WDR4: variants seen among roughly 807,000 people sequenced by gnomAD.
The protein encoded by WDR4 is WDR4 tRNA N7-guanosine methyltransferase non-catalytic subunit, also known as tRNA (guanine-N(7)-)-methyltransferase non-catalytic subunit WDR4.
A neutral mutation model predicts 48.6 loss-of-function variants in WDR4; 47 were observed. That is an observed-to-expected ratio of 0.97 (90% confidence interval 0.77 to 1.23). The LOEUF (loss-of-function observed/expected upper bound fraction) is 1.23. Among genes scored for constraint, WDR4 ranks in the 50% most tolerant of loss-of-function variants. The pLI is 0.00. For synonymous variants in WDR4, 268 were observed against 230.0 expected (o/e 1.17, Z -1.49); for missense variants, 606 against 551.6 (o/e 1.10, Z -0.99).
Position 42,855,672 on chromosome 21 carries a change from A to G in WDR4, c.726+10T>C, listed in dbSNP as rs1483950051. On this transcript the variant is annotated intron_variant, in intron 7 of 10. Transcript: ENST00000398208. ...CACTCAGTCGCCCAGGAGTGAACAG[A>G]AGCAGCTACCTGGGGGGCCTGGGGG... The G allele has an allele frequency of 4.5e-6, 7 of 1,544,726 alleles. No homozygotes were observed. In the East Asian group the frequency reaches 1.7e-4, roughly 38 times the overall value.
chr21:42,883,502 T>C (rs1194637406), upstream of WDR4: 1 of 153,646 alleles, frequency 6.5e-6, no homozygotes, highest in Non-Finnish European at 1.5e-5. Flanking sequence ...TGTGACCTTT[T>C]TTGGGGAAAG....
chr21:42,892,911 G>C, the WDR4 span, among the ~76,000 whole-genome samples: 1 of 152,238 alleles, frequency 6.6e-6, no homozygotes, highest in Non-Finnish European at 1.5e-5. Flanking sequence ...AATCAAGTAG[G>C]ACCAGACTGT....
chr21:42,851,436 C>G (rs1158997116), intron 10 of WDR4, among the ~76,000 whole-genome samples: 1 of 152,252 alleles, frequency 6.6e-6, no homozygotes, highest in Admixed American at 6.5e-5. Flanking sequence ...TCAGCGGAAA[C>G]TCCTCCGACC....
the WDR4 span, among the ~76,000 whole-genome samples, chr21:42,891,067 A>G: frequency 1.3e-5 from 2 of 152,204 alleles, no homozygotes. Flanking sequence ...TCATGGCTGT[A>G]ATCCCAGCAC....
rs375691931 is a variant in WDR4 at position 42,863,975 on chromosome 21, C to T, written c.297-379G>A. Among the ~76,000 whole-genome samples, 5 of 82,008 alleles carry T rather than the reference C, an allele frequency of 6.1e-5. 2 individuals are homozygous for T. The highest frequency in any genetic ancestry group is 1.9e-4 in the African/African-American group (2 of 10,398). The allele number at this position is 82,008 out of a possible 152,430, so 53.8% of individuals were successfully genotyped here. On this transcript the variant is annotated intron_variant, in intron 3 of 10. Coordinates refer to ENST00000398208, the MANE Select transcript of WDR4 (RefSeq NM_018669.6). ...ACAAAAAATTAGCCAGGCGTGGTGG[C>T]GGGCGCCTGTAGTCCCAGCTACTCG...
the WDR4 span, among the ~76,000 whole-genome samples, chr21:42,886,558 T>G: frequency 6.6e-6 from 1 of 152,232 alleles, no homozygotes; most frequent in Non-Finnish European, 1.5e-5. Flanking sequence ...TCCATGGGCT[T>G]TGCTAGCAAA....
the WDR4 span, among the ~76,000 whole-genome samples, chr21:42,892,691 A>G: frequency 6.6e-6 from 1 of 152,236 alleles, no homozygotes; most frequent in South Asian, 2.1e-4. Flanking sequence ...GTTGGGGACG[A>G]ACTCTTTGCT....
At chr21:42,855,441 C>T (rs1391742461) in intron 7 of WDR4, among the ~76,000 whole-genome samples, 4 of 152,230 alleles carry the variant, frequency 2.6e-5, no homozygotes, top group Non-Finnish European at 4.4e-5. Flanking sequence ...CCTTCCACTT[C>T]AGAGCAGGAT....
At chr21:42,854,315 C>T (rs1240817947) in intron 8 of WDR4, among the ~76,000 whole-genome samples, 1 of 152,230 alleles carries the variant, frequency 6.6e-6, no homozygotes, top group African/African-American at 2.4e-5. Context: ...GAAGGCCAGG[C>T]AGAGGCTGCT....
At chr21:42,884,615 C>T in the WDR4 span, among the ~76,000 whole-genome samples, 6,849 of 151,740 alleles carry the variant, frequency 0.045, 222 homozygotes, top group Non-Finnish European at 0.069. Context: ...CCATTGCACT[C>T]CAGCCTGGGC....
intron 9 of WDR4, 73 bp from the exon 10 acceptor site, chr21:42,852,397 T>C: frequency 6.5e-7 from 1 of 1,539,258 alleles, no homozygotes; most frequent in Non-Finnish European, 8.9e-7. Flanking sequence ...ACGCAACACA[T>C]GCTGGCCAGA....
chr21:42,851,127 G>A (rs565982463), intron 10 of WDR4, among the ~76,000 whole-genome samples: 23 of 152,340 alleles, frequency 1.5e-4, no homozygotes, highest in African/African-American at 5.3e-4. Context: ...CCAGGCTTTG[G>A]CCTGAGACTG....
the WDR4 span, among the ~76,000 whole-genome samples, chr21:42,889,486 C>T: frequency 6.6e-6 from 1 of 152,292 alleles, no homozygotes; most frequent in African/African-American, 2.4e-5. Flanking sequence ...TGGCAACTTC[C>T]TCTGGCGATT....
the WDR4 span, among the ~76,000 whole-genome samples, chr21:42,892,035 C>T: frequency 1.5e-3 from 223 of 149,146 alleles, no homozygotes; most frequent in African/African-American, 4.8e-3. Context: ...GGGTGGATCA[C>T]GAGGTCAGGA....
intron 6 of WDR4, among the ~76,000 whole-genome samples, chr21:42,856,804 C>T (rs2058004675): frequency 6.6e-6 from 1 of 152,124 alleles, no homozygotes; most frequent in Non-Finnish European, 1.5e-5. Flanking sequence ...CACACACACA[C>T]ACCTTTCTAC....
At chr21:42,891,406 ACGCCAGAGGAGGTCTTTTCTTTT>A in the WDR4 span, among the ~76,000 whole-genome samples, 1 of 151,450 alleles carries the variant, frequency 6.6e-6, no homozygotes, top group Non-Finnish European at 1.5e-5. Flanking sequence ...GCCGGTGACC[ACGCCAGAGGAGGTCTTTTCTTTT>A]TGTTTCTTCT....
chr21:42,853,708 T>G lies in WDR4; in HGVS notation c.836A>C (p.Gln279Pro). 6.4e-7 allele frequency: 1 copy of G among 1,570,664 alleles called. No homozygotes were observed. The highest frequency in any genetic ancestry group is 8.6e-7 in the Non-Finnish European group (1 of 1,157,802). The change falls in exon 9 of 11, where the codon CAG (glutamine) becomes CCG (proline). Residue 279 changes from glutamine to proline, a missense_variant. By Grantham distance (76) the Gln-to-Pro change is moderately conservative (BLOSUM62 -1). Coordinates refer to ENST00000398208, the MANE Select transcript of WDR4 (RefSeq NM_018669.6). ...YIFQLDARRQ[Q>P]LVYRQQLAFQ... ...CGCCAGCTGCTGCCTGTACACCAAC[T>G]GCTGTCTGCGGGCGTCCAGCTGGAA... is the stretch of plus-strand genomic sequence containing the variant.
chr21:42,857,766 A>T (rs1342250078), intron 6 of WDR4, among the ~76,000 whole-genome samples: 1 of 151,400 alleles, frequency 6.6e-6, no homozygotes, highest in African/African-American at 2.4e-5. Flanking sequence ...CTATTCCTAA[A>T]GGAGTAGAAA....
the WDR4 span, among the ~76,000 whole-genome samples, chr21:42,885,551 G>A: frequency 6.6e-6 from 1 of 152,086 alleles, no homozygotes; most frequent in Non-Finnish European, 1.5e-5. Flanking sequence ...AGAGGTTGCA[G>A]TGAGCTGAGA....
Sources: gnomAD v4.1 joint callset for allele counts (sites outside exome capture counted in the v4.1 genomes callset) on GRCh38, gnomAD v4.1.1 for gene constraint, MANE v1.5 for transcripts, NCBI Gene and HGNC (gene_info 2026-07-23, HGNC 2026-07-21) for gene names.